The following DCLK1 variants were observed in gnomAD, a reference collection of about 807,000 sequenced individuals.
The protein encoded by DCLK1 is serine/threonine-protein kinase DCLK1.
DCLK1 carries 16 observed loss-of-function variants against 86.2 expected under a neutral mutation model. The ratio of observed to expected loss-of-function variants is 0.19; its 90% CI spans 0.13 to 0.28. DCLK1 has a LOEUF of 0.28. Ranked by LOEUF, DCLK1 falls within the 10% of genes least tolerant of loss-of-function variation. DCLK1 has a pLI of 1.00. For missense variants in DCLK1, 590 were observed against 940.2 expected, an observed-to-expected ratio of 0.63 and a Z score of 4.87; for synonymous variants, 369 against 370.5, an observed-to-expected ratio of 1.00 and a Z score of 0.05.
intron 3 of DCLK1, among the ~76,000 whole-genome samples, chr13:36,060,901 C>T (rs1217506374): frequency 1.3e-5 from 2 of 152,100 alleles, no homozygotes; most frequent in East Asian, 3.9e-4. Context: ...AGGAATGATC[C>T]ATAGGCTGGA....
intron 4 of DCLK1, among the ~76,000 whole-genome samples, chr13:35,910,116 A>T (rs1539542): frequency 0.34 from 52,192 of 151,984 alleles, 9,949 homozygotes; most frequent in African/African-American, 0.49. Flanking sequence ...CTCTAAGTTG[A>T]ATTTATCAAG....
At chr13:35,910,588 C>G (rs1593723796) in intron 4 of DCLK1, among the ~76,000 whole-genome samples, 2 of 152,176 alleles carry the variant, frequency 1.3e-5, no homozygotes, top group South Asian at 4.1e-4. Context: ...CCGAACATGT[C>G]TGGGATGACC....
intron 5 of DCLK1, chr13:35,869,044 A>C (rs1485363096): frequency 4.2e-6 from 2 of 476,718 alleles, no homozygotes; most frequent in African/African-American, 2.0e-5. Flanking sequence ...ACCCCCATCA[A>C]CCTCCCAAAG....
chr13:35,805,141 G>A (rs1042875449), intron 15 of DCLK1, among the ~76,000 whole-genome samples: 6 of 152,172 alleles, frequency 3.9e-5, no homozygotes, highest in Non-Finnish European at 7.3e-5. Context: ...AGCAGGTTGC[G>A]GGGTAGAAGA....
chr13:35,960,922 C>T (rs2153137246), intron 3 of DCLK1, among the ~76,000 whole-genome samples: 1 of 152,306 alleles, frequency 6.6e-6, no homozygotes, highest in South Asian at 2.1e-4. Context: ...CTCTGAATGT[C>T]CCTAGTGGTC....
At chr13:36,047,869 T>C (rs2153156620) in intron 3 of DCLK1, among the ~76,000 whole-genome samples, 1 of 152,244 alleles carries the variant, frequency 6.6e-6, no homozygotes, top group Admixed American at 6.5e-5. Context: ...GGCACGAGGA[T>C]CACTTGACCC....
chr13:35,805,894 T>C, intron 14 of DCLK1, 115 bp from the exon 15 acceptor site: 1 of 838,128 alleles, frequency 1.2e-6, no homozygotes, highest in Non-Finnish European at 1.8e-6. Flanking sequence ...GCTCTAAATC[T>C]TAAATACATC....
intron 3 of DCLK1, among the ~76,000 whole-genome samples, chr13:36,056,584 T>G (rs1883320674): frequency 8.2e-6 from 1 of 121,692 alleles, no homozygotes; most frequent in East Asian, 2.3e-4. Context: ...ACCTGCACAA[T>G]GTGCACATGT....
At chr13:36,121,229 G>T (rs1478795117) in intron 2 of DCLK1, among the ~76,000 whole-genome samples, 1 of 152,158 alleles carries the variant, frequency 6.6e-6, no homozygotes, top group Non-Finnish European at 1.5e-5. Flanking sequence ...AGGTCTTCAG[G>T]ATATATTGTT....
At chr13:35,875,623 C>T (rs1002013728) in intron 4 of DCLK1, among the ~76,000 whole-genome samples, 2 of 152,158 alleles carry the variant, frequency 1.3e-5, no homozygotes, top group African/African-American at 4.8e-5. Flanking sequence ...CTTGTGGCCT[C>T]TTATCATGCT....
intron 4 of DCLK1, among the ~76,000 whole-genome samples, chr13:35,921,935 G>A (rs1875827119): frequency 6.6e-6 from 1 of 152,148 alleles, no homozygotes; most frequent in Non-Finnish European, 1.5e-5. Context: ...CTGAGTTTTG[G>A]AATTTCATAT....
At chr13:35,858,899 T>C (rs4943344) in intron 5 of DCLK1, among the ~76,000 whole-genome samples, 30,872 of 152,128 alleles carry the variant, frequency 0.2, 3,601 homozygotes, top group Admixed American at 0.26. Flanking sequence ...CTCTTGGCCA[T>C]ACAGAAGAGC....
chr13:35,818,023 T>C (rs910730006), intron 11 of DCLK1, among the ~76,000 whole-genome samples: 1 of 152,310 alleles, frequency 6.6e-6, no homozygotes, highest in African/African-American at 2.4e-5. Flanking sequence ...ACTTCTGTCA[T>C]TGGTATAATT....
chr13:35,875,424 G>T (rs1283007401), intron 4 of DCLK1, among the ~76,000 whole-genome samples: 1 of 152,176 alleles, frequency 6.6e-6, no homozygotes, highest in Non-Finnish European at 1.5e-5. Flanking sequence ...GTTTGGCACA[G>T]GTGCCAGAGT....
intron 3 of DCLK1, among the ~76,000 whole-genome samples, chr13:35,958,780 C>T (rs971853561): frequency 6.6e-6 from 1 of 152,170 alleles, no homozygotes; most frequent in Non-Finnish European, 1.5e-5. Flanking sequence ...TTACTTTTTT[C>T]ACCCATACTT....
intron 8 of DCLK1, among the ~76,000 whole-genome samples, chr13:35,834,208 A>C (rs1447052585): frequency 6.6e-6 from 1 of 152,210 alleles, no homozygotes; most frequent in East Asian, 1.9e-4. Context: ...CAGATTTACT[A>C]TCAGTAAAAG....
chr13:35,781,139 C>T (rs1305059431), intron 16 of DCLK1, among the ~76,000 whole-genome samples: 1 of 151,934 alleles, frequency 6.6e-6, no homozygotes. Context: ...CAGGAATAAT[C>T]AAGAACATGA....
intron 3 of DCLK1, among the ~76,000 whole-genome samples, chr13:35,958,211 CATCACCACCACCACTATA>C: frequency 7.0e-6 from 1 of 143,386 alleles, no homozygotes; most frequent in Non-Finnish European, 1.5e-5. Flanking sequence ...CCATTATAAC[CATCACCACCACCACTATA>C]ACCACCATCA....
chr13:35,828,719 C>T (rs1868695136), intron 8 of DCLK1, among the ~76,000 whole-genome samples: 1 of 152,120 alleles, frequency 6.6e-6, no homozygotes, highest in African/African-American at 2.4e-5. Context: ...GCTTCTCCTG[C>T]TGCCAGGTTA....
Sources: allele counts gnomAD v4.1 joint callset (sites outside exome capture counted in the v4.1 genomes callset), GRCh38; gene constraint gnomAD v4.1.1; transcripts MANE v1.5; gene names NCBI Gene and HGNC (gene_info 2026-07-23, HGNC 2026-07-21).